Variants in ECE2 observed in about 807,000 individuals in gnomAD.
ECE2 encodes endothelin-converting enzyme 2.
A neutral mutation model predicts 100.6 loss-of-function variants in ECE2; 81 were observed. The observed-to-expected ratio is 0.81, with a 90% CI of 0.67 to 0.97. The LOEUF is 0.97. Among genes scored for constraint, ECE2 ranks in the 50% least tolerant of loss-of-function variants. The pLI is 0.00. For synonymous variants in ECE2, 391 were observed against 391.5 expected, an observed-to-expected ratio of 1.00 and a Z score of 0.02; for missense variants, 911 against 988.1, an observed-to-expected ratio of 0.92 and a Z score of 1.05.
In ECE2 at chr3:184,291,933, G is replaced by A; in HGVS notation, c.2122-129G>A. The A allele has an allele frequency of 9.4e-7, 1 of 1,063,328 alleles. No homozygotes were observed. Among genetic ancestry groups the A allele is most frequent in the East Asian group, 2.5e-5 (1 of 40,240 alleles). 65.9% of individuals were successfully genotyped at this position (1,063,328 alleles called of 1,614,324 possible). A position where few individuals can be genotyped will look rare whatever the true frequency, so the allele number is the denominator to read the frequency against. ...CATGCTGGGCAACCCGATGTCCAGG[G>A]CAGTTTTGGAAGGAACTTGGGAGGG... On this transcript the variant is annotated intron_variant, in intron 18 of 18. Coordinates refer to ENST00000404464, the MANE Select transcript of ECE2 (RefSeq NM_001100121.2). The surrounding 1 kb of genome is among the most constrained non-coding windows in gnomAD (Gnocchi z 4.1).
At chr3:184,287,686 C>T (rs964942728) in intron 10 of ECE2, 151 bp from the exon 11 acceptor site, 4 of 634,924 alleles carry the variant, frequency 6.3e-6, no homozygotes, top group Admixed American at 2.8e-5. Flanking sequence ...CAGAGCAAGA[C>T]CCTGTCTCAA....
In ECE2 at chr3:184,291,962, G is replaced by A. The variant is rs1283664978; in HGVS notation, c.2122-100G>A. Reference sequence around the variant, plus strand: ...TTTTGGAAGGAACTTGGGAGGGGCTGCAGCGGTGGTGGTTTGTGCCCCTGG... The same window carrying A: ...TTTTGGAAGGAACTTGGGAGGGGCTACAGCGGTGGTGGTTTGTGCCCCTGG... On this transcript the variant is annotated intron_variant, in intron 18 of 18. Transcript: ENST00000404464. The surrounding 1 kb of genome is among the most constrained non-coding windows in gnomAD (Gnocchi z 4.1). The A allele has an allele frequency of 6.6e-6, 9 of 1,372,018 alleles. No homozygotes were observed. The highest frequency in any genetic ancestry group is 9.0e-6 in the Non-Finnish European group (9 of 999,366). 85.0% of individuals were successfully genotyped at this position (1,372,018 alleles called of 1,614,324 possible). A position where few individuals can be genotyped will look rare whatever the true frequency, so the allele number is the denominator to read the frequency against.
intron 10 of ECE2, among the ~76,000 whole-genome samples, chr3:184,286,654 AT>A (rs1721045712): frequency 6.6e-6 from 1 of 151,996 alleles, no homozygotes; most frequent in Admixed American, 6.6e-5. Context: ...AATACAAAAA[AT>A]TAGCTGGGCG....
In ECE2 at chr3:184,290,676, G is replaced by C; in HGVS notation, c.1766+9G>C. On this transcript the variant is annotated intron_variant, in intron 15 of 18. Coordinates refer to ENST00000404464, the MANE Select transcript of ECE2 (RefSeq NM_001100121.2). ...GCCCGCAACCACCCCAAGTGTGTCTGAAGCAGGAGGGGCTGGGTGCTGGGG... is the reference window on the plus strand; with the variant it reads ...GCCCGCAACCACCCCAAGTGTGTCTCAAGCAGGAGGGGCTGGGTGCTGGGG... The C allele has an allele frequency of 6.2e-7, 1 of 1,613,850 alleles. No homozygotes were observed. Among genetic ancestry groups the C allele is most frequent in the Non-Finnish European group, 8.5e-7 (1 of 1,179,836 alleles).
At chr3:184,286,447 T>C (rs1177579300) in intron 10 of ECE2, among the ~76,000 whole-genome samples, 1 of 151,910 alleles carries the variant, frequency 6.6e-6, no homozygotes, top group Non-Finnish European at 1.5e-5. Flanking sequence ...GGTGGCTAAA[T>C]GGAAGATGGA....
rs772894671 is a variant in ECE2 at position 184,290,662 on chromosome 3, C to T, written c.1761C>T (p.His587=). ...ILQAPFYARN[H]PKALNFGGIG... Reference sequence around the variant, plus strand: ...AGGCCCCCTTCTATGCCCGCAACCACCCCAAGTGTGTCTGAAGCAGGAGGG... The same window carrying T: ...AGGCCCCCTTCTATGCCCGCAACCATCCCAAGTGTGTCTGAAGCAGGAGGG... Residue 587 remains histidine, a synonymous_variant, in exon 15 of 19, where the codon CAC becomes CAT. Transcript: ENST00000404464. 3 of 1,614,014 alleles carry T rather than the reference C, an allele frequency of 1.9e-6. No individual in the cohort carries two copies. Among genetic ancestry groups the T allele is most frequent in the Non-Finnish European group, 2.5e-6 (3 of 1,179,938 alleles).
intron 1 of ECE2, 65 bp downstream of exon 1, chr3:184,276,257 G>A: frequency 7.0e-7 from 1 of 1,433,366 alleles, no homozygotes; most frequent in Non-Finnish European, 9.1e-7. Context: ...AGAGGGGTCG[G>A]CCGCGGAGGG....
At chr3:184,277,195 C>T (rs773102109) in intron 3 of ECE2, 56 bp from the exon 4 acceptor site, 15 of 1,611,186 alleles carry the variant, frequency 9.3e-6, no homozygotes, top group Admixed American at 1.7e-5. Flanking sequence ...GAGTTTGCCT[C>T]TTCCAGACAG....
chr3:184,284,971 G>T lies in ECE2; in HGVS notation c.1014G>T (p.Ala338=), dbSNP rs139791203. ...KMSISELQAL[A]PSMDWLEFLS... The stretch of plus-strand genomic sequence containing the variant: ...AGATTTTTTTCTTTCAGGCTCTGGC[G>T]CCCTCCATGGACTGGCTTGAGTTCC... The change falls in exon 9 of 19, where the codon GCG becomes GCT. Residue 338 remains alanine, a synonymous_variant. Transcript: ENST00000404464. The T allele has an allele frequency of 6.2e-7, 1 of 1,613,540 alleles. No homozygotes were observed. The highest frequency in any genetic ancestry group is 8.5e-7 in the Non-Finnish European group (1 of 1,179,796).
Position 184,276,869 on chromosome 3 carries a change from C to T in ECE2, c.127-23C>T, listed in dbSNP as rs192837208. ...ATCCCTGCCCTGCATCTCAGTCACT[C>T]TCTGTCCCCCTGTGTTCCCCAGGTG... On this transcript the variant is annotated intron_variant, in intron 2 of 18. Coordinates refer to ENST00000404464, the MANE Select transcript of ECE2 (RefSeq NM_001100121.2). 1.6e-5 allele frequency: 25 copies of T among 1,612,788 alleles called. No individual in the cohort carries two copies. In the African/African-American group the frequency reaches 3.2e-4, roughly 21 times the overall value.
chr3:184,287,686 C>A (rs964942728), intron 10 of ECE2, 151 bp from the exon 11 acceptor site: 1 of 635,042 alleles, frequency 1.6e-6, no homozygotes, highest in Non-Finnish European at 2.8e-6. Flanking sequence ...CAGAGCAAGA[C>A]CCTGTCTCAA....
rs1161914002 is a variant in ECE2, at chr3:184,278,204, A to G, written c.641A>G (p.Asp214Gly). 1 of 1,614,168 alleles carries G rather than the reference A, an allele frequency of 6.2e-7. No homozygotes were observed. The highest frequency in any genetic ancestry group is 8.5e-7 in the Non-Finnish European group (1 of 1,180,024). ...GWNITGPWDQ[D>G]NFMEVLKAVA... ...AACATTACGGGGCCCTGGGACCAGG[A>G]CAACTTTATGGAGGTGTTGAAGGCA... Residue 214 changes from aspartate (D) to glycine (G), a missense_variant, in exon 6 of 19, where the codon GAC (aspartate) becomes GGC (glycine). Transcript: ENST00000404464.
intron 16 of ECE2, 40 bp from the exon 17 acceptor site, chr3:184,291,000 G>A: frequency 6.4e-7 from 1 of 1,555,802 alleles, no homozygotes; most frequent in Non-Finnish European, 8.7e-7. Flanking sequence ...CAAGAGACGA[G>A]CTCTGGTTTT....
rs139342560 is a variant in ECE2 at position 184,292,226 on chromosome 3, T to C, written c.2286T>C (p.Cys762=). The C allele has an allele frequency of 3.7e-6, 6 of 1,613,834 alleles. No individual in the cohort carries two copies. The African/African-American group carries it at 6.7e-5, about 18-fold the overall frequency. The change falls in exon 19 of 19, where the codon TGT becomes TGC. Residue 762 remains cysteine, a synonymous_variant. Transcript: ENST00000404464. ...VGSPMNPGQL[C]EVW is the part of the protein sequence containing the mutation. ...CCCCCATGAACCCAGGGCAGCTGTG[T>C]GAGGTGTGGTAGACCTGGATCAGGG... is the stretch of plus-strand genomic sequence containing the variant.
At chr3:184,285,731 GTT>G in intron 10 of ECE2, 139 bp downstream of exon 10, 1 of 648,466 alleles carries the variant, frequency 1.5e-6, no homozygotes, top group Non-Finnish European at 2.7e-6. Context: ...GCCGACTTGC[GTT>G]TCAATCCCAA....
intron 7 of ECE2, among the ~76,000 whole-genome samples, chr3:184,280,310 C>T (rs567183946): frequency 1.6e-4 from 24 of 152,266 alleles, no homozygotes; most frequent in Admixed American, 3.3e-4. Flanking sequence ...TTCCCTCATC[C>T]GTAAACAGGG....
At chr3:184,285,227 A>C in intron 9 of ECE2, 122 bp downstream of exon 9, 1 of 1,355,116 alleles carries the variant, frequency 7.4e-7, no homozygotes. Context: ...CCAAACATTG[A>C]ATCAGAATGT....
At chr3:184,277,837 A>C in intron 4 of ECE2, 88 bp from the exon 5 acceptor site, 1 of 1,546,614 alleles carries the variant, frequency 6.5e-7, no homozygotes. Context: ...CTCATTGACA[A>C]GGCAAGGAGA....
intron 7 of ECE2, among the ~76,000 whole-genome samples, chr3:184,279,179 A>G (rs1487038529): frequency 7.9e-5 from 12 of 151,882 alleles, no homozygotes; most frequent in African/African-American, 2.9e-4. Flanking sequence ...TCGTGGTGGC[A>G]GGCACCTGTA....
Sources: allele counts gnomAD v4.1 joint callset (sites outside exome capture counted in the v4.1 genomes callset), GRCh38; gene constraint gnomAD v4.1.1; non-coding constraint Gnocchi (gnomAD v3.1); transcripts MANE v1.5; gene names NCBI Gene and HGNC (gene_info 2026-07-23, HGNC 2026-07-21).